The following ZNF85 variants were observed in gnomAD, a reference collection of about 807,000 sequenced individuals.
ZNF85 encodes zinc finger protein 85.
A neutral mutation model predicts 53.9 loss-of-function variants in ZNF85; 50 were observed. The ratio of observed to expected loss-of-function variants is 0.93; its 90% CI spans 0.74 to 1.17. ZNF85 has a LOEUF of 1.17. ZNF85 is among the 50% of genes most tolerant of loss of function. ZNF85 has a pLI of 0.00. For missense variants in ZNF85, 747 were observed against 688.5 expected (o/e 1.08, Z -0.95); for synonymous variants, 225 against 226.1 (o/e 1.00, Z 0.04).
At chr19:20,937,737 C>G (rs111679432) in intron 3 of ZNF85, among the ~76,000 whole-genome samples, 1,812 of 152,196 alleles carry the variant, frequency 0.012, 33 homozygotes, top group African/African-American at 0.034. Flanking sequence ...GGAACTGAGT[C>G]ATTAAACTGC....
Position 20,933,955 on chromosome 19 carries a change from TTATG to T in ZNF85, c.4-67_4-64del, listed in dbSNP as rs995441927. On this transcript the variant is annotated intron_variant, in intron 1 of 3. Coordinates refer to ENST00000328178, the MANE Select transcript of ZNF85 (RefSeq NM_003429.5). ...AATGCTTTTCATAACCAGTTGGTAA[TTATG>T]TGTGTGTGTGTGTGTGTGTGTGTGT... 4.1e-5 allele frequency: 54 copies of T among 1,304,152 alleles called. No individual in the cohort carries two copies. The Admixed American group carries it at 8.8e-4, about 21-fold the overall frequency. The allele number at this position is 1,304,152 out of a possible 1,614,324, so 80.8% of individuals were successfully genotyped here.
chr19:20,949,426 T>G lies in ZNF85; in HGVS notation c.912T>G (p.His304Gln). ...ACCGATCTTCAACCCTTACTACCCA[T>G]AGAAAAATTCATACTGGAGAGAAAC... ...AFNRSSTLTT[H>Q]RKIHTGEKPY... The change falls in exon 4 of 4, where the codon CAT becomes CAG. Residue 304 changes from histidine (H) to glutamine (Q), a missense_variant. His to Gln is a conservative substitution (Grantham distance 24). Coordinates refer to ENST00000328178, the MANE Select transcript of ZNF85 (RefSeq NM_003429.5). The G allele has an allele frequency of 2.5e-6, 4 of 1,609,348 alleles. No homozygotes were observed. Among genetic ancestry groups the G allele is most frequent in the Non-Finnish European group, 3.4e-6 (4 of 1,176,960 alleles).
At chr19:20,946,467 T>C in intron 3 of ZNF85, 3 of 308,550 alleles carry the variant, frequency 9.7e-6, no homozygotes, top group Non-Finnish European at 1.9e-5. Flanking sequence ...AAAGTAGGTA[T>C]TGAAATATCC....
chr19:20,943,095 A>C (rs1188597147), intron 3 of ZNF85: 4 of 414,134 alleles, frequency 9.7e-6, no homozygotes, highest in Non-Finnish European at 1.7e-5. Flanking sequence ...AAATTTAATA[A>C]GATTTGTTAT....
Position 20,949,422 on chromosome 19 carries a change from C to T in ZNF85, c.908C>T (p.Thr303Ile), listed in dbSNP as rs114854839. ...TTTAACCGATCTTCAACCCTTACTACCCATAGAAAAATTCATACTGGAGAG... is the reference window on the plus strand; with the variant it reads ...TTTAACCGATCTTCAACCCTTACTATCCATAGAAAAATTCATACTGGAGAG... ...KAFNRSSTLTTHRKIHTGEKP... is the reference protein window; with the variant it reads ...KAFNRSSTLTIHRKIHTGEKP... Residue 303 changes from threonine to isoleucine, a missense_variant, in exon 4 of 4, where the codon ACC (threonine) becomes ATC (isoleucine). Thr to Ile is a moderately conservative substitution (Grantham distance 89). Coordinates refer to ENST00000328178, the MANE Select transcript of ZNF85 (RefSeq NM_003429.5). 1.2e-6 allele frequency: 2 copies of T among 1,601,856 alleles called. No homozygotes were observed. Among genetic ancestry groups the T allele is most frequent in the Non-Finnish European group, 1.7e-6 (2 of 1,174,518 alleles).
At chr19:20,933,893 A>G in intron 1 of ZNF85, 131 bp from the exon 2 acceptor site, 1 of 997,794 alleles carries the variant, frequency 1.0e-6, no homozygotes, top group Non-Finnish European at 1.4e-6. Flanking sequence ...AGAAACAGTT[A>G]CCTGTACTCT....
At chr19:20,930,120 C>CAAAAAAAAAAAA (rs57832039) in intron 1 of ZNF85, among the ~76,000 whole-genome samples, 7 of 79,266 alleles carry the variant, frequency 8.8e-5, no homozygotes, top group Admixed American at 1.9e-4. Context: ...GACTCCGTCC[C>CAAAAAAAAAAAA]AAAAAAAAAA....
At chr19:20,935,117 C>A in intron 3 of ZNF85, 70 bp downstream of exon 3, 1 of 976,704 alleles carries the variant, frequency 1.0e-6, no homozygotes, top group Non-Finnish European at 1.5e-6. Context: ...GAAAGCCAGT[C>A]CTTAAAATGT....
rs1349571661 is a variant in ZNF85, at chr19:20,949,593, A to G, written c.1079A>G (p.His360Arg). ...AACCAGTCTGCACACCTTACCACAC[A>G]TGAGGTAATTCATACTGGAGAGAAA... ...AFNQSAHLTTHEVIHTGEKPY... is the reference protein window; with the variant it reads ...AFNQSAHLTTREVIHTGEKPY... Residue 360 changes from histidine (H) to arginine (R), a missense_variant, in exon 4 of 4, where the codon CAT becomes CGT. Physicochemically the swap from His to Arg is conservative, Grantham distance 29. Transcript: ENST00000328178. 3.1e-6 allele frequency: 5 copies of G among 1,597,888 alleles called. No homozygotes were observed. Among genetic ancestry groups the G allele is most frequent in the East Asian group, 2.2e-5 (1 of 44,586 alleles).
chr19:20,950,073 A>G lies in ZNF85; in HGVS notation c.1559A>G (p.Asn520Ser). 3.1e-6 allele frequency: 5 copies of G among 1,613,244 alleles called. No individual in the cohort carries two copies. The highest frequency in any genetic ancestry group is 4.2e-6 in the Non-Finnish European group (5 of 1,179,784). Residue 520 changes from asparagine (N) to serine (S), a missense_variant, in exon 4 of 4, where the codon AAC becomes AGC. Coordinates refer to ENST00000328178, the MANE Select transcript of ZNF85 (RefSeq NM_003429.5). ...TGTGAAGAATGTGGCAAAGCTTTTA[A>G]CCAATCCTCAAAACTTACCAAACAT... ...YKCEECGKAF[N>S]QSSKLTKHKK...
At position 20,949,724 on chromosome 19, in the gene ZNF85, G is replaced by T; in HGVS notation, c.1210G>T (p.Gly404Cys). 6.2e-7 allele frequency: 1 copy of T among 1,612,836 alleles called. No homozygotes were observed. The highest frequency in any genetic ancestry group is 8.5e-7 in the Non-Finnish European group (1 of 1,179,308). Reference protein sequence around the residue: ...GEKPYKCKECGKAFKHSSTLT... With the variant: ...GEKPYKCKECCKAFKHSSTLT... ...GAAACCTTACAAATGTAAAGAATGT[G>T]GTAAAGCTTTTAAACACTCTTCAAC... Residue 404 changes from glycine (G) to cysteine (C), a missense_variant, in exon 4 of 4, where the codon GGT becomes TGT. By Grantham distance (159) the Gly-to-Cys change is radical. Coordinates refer to ENST00000328178, the MANE Select transcript of ZNF85 (RefSeq NM_003429.5).
intron 3 of ZNF85, chr19:20,936,990 CTCT>C: frequency 5.4e-6 from 1 of 186,198 alleles, no homozygotes; most frequent in Non-Finnish European, 1.1e-5. Context: ...GAGCAAACAG[CTCT>C]TCAAGTTTTT....
intron 3 of ZNF85, among the ~76,000 whole-genome samples, chr19:20,936,100 AGTTT>A (rs1599435250): frequency 2.2e-5 from 3 of 135,776 alleles, no homozygotes; most frequent in East Asian, 2.2e-4. Context: ...TTTATCAGAT[AGTTT>A]GTTTTATGTA....
intron 3 of ZNF85, among the ~76,000 whole-genome samples, chr19:20,940,780 A>G (rs950201835): frequency 6.6e-6 from 1 of 152,208 alleles, no homozygotes; most frequent in Admixed American, 6.5e-5. Flanking sequence ...TTACTAGCTT[A>G]TTTTAAAGGG....
chr19:20,923,370 T>C lies in ZNF85; in HGVS notation c.-31T>C. On this transcript the variant is annotated 5_prime_UTR_variant, in exon 1 of 4. Transcript: ENST00000328178. ...CTGCAGGTATTGGGAGATCCACAGC[T>C]AAGACGCCGGGACCCCCTGGAAGCC... 6.2e-7 allele frequency: 1 copy of C among 1,614,046 alleles called. No homozygotes were observed. The highest frequency in any genetic ancestry group is 1.7e-5 in the Admixed American group (1 of 60,022).
In ZNF85 at chr19:20,948,795, ATTCT is replaced by A. The variant is rs747633564; in HGVS notation, c.285_288del (p.Phe96LysfsTer3). The A allele has an allele frequency of 2.7e-5, 43 of 1,607,202 alleles. No individual in the cohort carries two copies. Among genetic ancestry groups the A allele is most frequent in the Middle Eastern group, 3.3e-4 (2 of 6,034 alleles). ...CTTTGGCCGGAGCAGAATATAAAAG[ATTCT>A]TTCCAAAAAGTGACACTGAAAAGAT... On this transcript the variant is annotated frameshift_variant, in exon 4 of 4. Transcript: ENST00000328178. LOFTEE classifies it high-confidence loss of function.
chr19:20,948,087 T>C (rs1423829443), intron 3 of ZNF85, among the ~76,000 whole-genome samples: 1 of 152,130 alleles, frequency 6.6e-6, no homozygotes, highest in Non-Finnish European at 1.5e-5. Flanking sequence ...CCAATTGTCT[T>C]GGATAGAGAT....
At chr19:20,935,392 G>A (rs1202138390) in intron 3 of ZNF85, among the ~76,000 whole-genome samples, 1 of 152,076 alleles carries the variant, frequency 6.6e-6, no homozygotes, top group South Asian at 2.1e-4. Flanking sequence ...TCTATGTTAA[G>A]CAATATTTTT....
chr19:20,933,995 GTGTA>G lies in ZNF85; in HGVS notation c.4-25_4-22del, dbSNP rs751896513. ...TGTGTGTGTGTGTGTGTGTGTGTGT[GTGTA>G]TGTGTATGTGTGTGTATCTTTCAGG... On this transcript the variant is annotated intron_variant, in intron 1 of 3. Coordinates refer to ENST00000328178, the MANE Select transcript of ZNF85 (RefSeq NM_003429.5). 730 of 1,302,668 alleles carry G rather than the reference GTGTA, an allele frequency of 5.6e-4. 1 individual carries two copies. The African/African-American group carries it at 8.3e-3, about 15-fold the overall frequency. The allele number at this position is 1,302,668 out of a possible 1,614,324, so 80.7% of individuals were successfully genotyped here. A position where few individuals can be genotyped will look rare whatever the true frequency, so the allele number is the denominator to read the frequency against.
Sources: allele counts gnomAD v4.1 joint callset (sites outside exome capture counted in the v4.1 genomes callset), GRCh38; gene constraint gnomAD v4.1.1; transcripts MANE v1.5; gene names NCBI Gene and HGNC (gene_info 2026-07-23, HGNC 2026-07-21).